The following TFAM variants were observed in gnomAD, a reference collection of about 807,000 sequenced individuals.
TFAM encodes the protein transcription factor A, mitochondrial.
In TFAM, 13 loss-of-function variants were observed where a neutral mutation model predicts 30.6. That is an observed-to-expected ratio of 0.42 (90% CI 0.28 to 0.67). The LOEUF is 0.67. TFAM is among the 30% of genes least tolerant of loss of function. The probability of loss-of-function intolerance (pLI) is 0.21; values close to 1 mark genes in which losing one functional copy is unlikely to be tolerated. For missense variants in TFAM, 231 were observed against 293.7 expected (o/e 0.79, Z 1.56); for synonymous variants, 106 against 94.8 (o/e 1.12, Z -0.69).
chr10:58,394,455 T>C lies in TFAM; in HGVS notation c.594+41T>C. 3.3e-6 allele frequency: 5 copies of C among 1,530,016 alleles called. No homozygotes were observed. The South Asian group carries it at 3.3e-5, about 10-fold the overall frequency. 94.8% of individuals were successfully genotyped at this position (1,530,016 alleles called of 1,614,324 possible). The stretch of plus-strand genomic sequence containing the variant: ...GTTAGTCTCAAGTGTCTACTTAGGA[T>C]ATCTGTGAGAGAATGTATTAGGGCA... On this transcript the variant is annotated intron_variant, in intron 6 of 6. Transcript: ENST00000487519.
chr10:58,386,667 T>C (rs980222133), intron 2 of TFAM: 8 of 1,149,178 alleles, frequency 7.0e-6, no homozygotes, highest in Middle Eastern at 3.9e-4. Context: ...TTTTTCTGGC[T>C]CAGGGAATTG....
rs761368112 is a variant in TFAM, at chr10:58,395,053, A to G, written c.720A>G (p.Lys240=). ...LLRRTIKKQR[K]YGAEEC ...GTCGCACAATAAAGAAACAACGAAA[A>G]TATGGTGCTGAGGAGTGTTAAAAGT... Residue 240 remains lysine, a synonymous_variant, in exon 7 of 7, where the codon AAA becomes AAG. Coordinates refer to ENST00000487519, the MANE Select transcript of TFAM (RefSeq NM_003201.3). 1.9e-6 allele frequency: 3 copies of G among 1,613,630 alleles called. No homozygotes were observed. The highest frequency in any genetic ancestry group is 1.7e-5 in the Admixed American group (1 of 60,014).
At position 58,394,378 on chromosome 10, in the gene TFAM, G is replaced by A; in HGVS notation, c.558G>A (p.Lys186=). ...DSPQEKLKTV[K]ENWKNLSDSE... ...TACAGGAAAAGCTGAAGACTGTAAA[G>A]GAAAACTGGAAAAATCTGTCTGACT... The change falls in exon 6 of 7, where the codon AAG becomes AAA. Residue 186 remains lysine (K), a synonymous_variant. Coordinates refer to ENST00000487519, the MANE Select transcript of TFAM (RefSeq NM_003201.3). 1 of 1,613,600 alleles carries A rather than the reference G, an allele frequency of 6.2e-7. No homozygotes were observed. The highest frequency in any genetic ancestry group is 8.5e-7 in the Non-Finnish European group (1 of 1,179,684).
At chr10:58,385,757 C>T in intron 1 of TFAM, 109 bp downstream of exon 1, 2 of 897,454 alleles carry the variant, frequency 2.2e-6, no homozygotes, top group South Asian at 1.4e-5. Flanking sequence ...TCAGAGTCAC[C>T]CTGGTTCTTT....
chr10:58,386,747 C>G (rs1840498161), intron 2 of TFAM: 11 of 967,802 alleles, frequency 1.1e-5, no homozygotes, highest in Non-Finnish European at 1.4e-5. Flanking sequence ...AAGTTCTATG[C>G]AATTTACTGC....
Position 58,395,221 on chromosome 10 carries a change from C to A in TFAM, c.*147C>A. 1.2e-6 allele frequency: 1 copy of A among 832,362 alleles called. No homozygotes were observed. Among genetic ancestry groups the A allele is most frequent in the Non-Finnish European group, 1.9e-6 (1 of 520,020 alleles). The allele number at this position is 832,362 out of a possible 1,614,324, so 51.6% of individuals were successfully genotyped here. A position where few individuals can be genotyped will look rare whatever the true frequency, so the allele number is the denominator to read the frequency against. ...TTTTTATTCAGCTCATGGACTTCTGCCAGCATAATACTTGCTTTGGAAAAC... is the reference window on the plus strand; with the variant it reads ...TTTTTATTCAGCTCATGGACTTCTGACAGCATAATACTTGCTTTGGAAAAC... On this transcript the variant is annotated 3_prime_UTR_variant, in exon 7 of 7. Transcript: ENST00000487519.
chr10:58,386,735 TA>T (rs1177935307), intron 2 of TFAM: 1 of 1,063,598 alleles, frequency 9.4e-7, no homozygotes, highest in African/African-American at 1.7e-5. Flanking sequence ...TGTAGAACTG[TA>T]AAGTTCTATG....
chr10:58,386,527 A>G (rs1010755076), intron 2 of TFAM, 189 bp downstream of exon 2: 20 of 728,592 alleles, frequency 2.7e-5, no homozygotes, highest in Non-Finnish European at 4.3e-5. Flanking sequence ...GAACTAGTAA[A>G]TGGTATTTTA....
chr10:58,387,030 G>A lies in TFAM; in HGVS notation c.220+692G>A, dbSNP rs530355960. ...TGTAATCCCAGCACTTCGGGAGGTC[G>A]AGATGGGTGGATTGCTTGAGCCCAG... On this transcript the variant is annotated intron_variant, in intron 2 of 6. Transcript: ENST00000487519. 1.7e-4 allele frequency among the ~76,000 whole-genome samples: 26 copies of A among 152,272 alleles called. No homozygotes were observed. In the East Asian group the frequency reaches 4.4e-3, roughly 26 times the overall value.
chr10:58,397,020 T>A lies in TFAM; in HGVS notation c.*1946T>A, dbSNP rs924497307. On this transcript the variant is annotated 3_prime_UTR_variant, in exon 7 of 7. Transcript: ENST00000487519. ...GGGGAAAGAGAAGGAGGTGTGCTAGTGTCTATCACAGGCTTTCTCAATTAG... is the reference window on the plus strand; with the variant it reads ...GGGGAAAGAGAAGGAGGTGTGCTAGAGTCTATCACAGGCTTTCTCAATTAG... 6.6e-6 allele frequency: 1 copy of A among 152,176 alleles called. No individual in the cohort carries two copies. The highest frequency in any genetic ancestry group is 2.4e-5 in the African/African-American group (1 of 41,400). 9.4% of individuals were successfully genotyped at this position (152,176 alleles called of 1,614,324 possible). A position where few individuals can be genotyped will look rare whatever the true frequency, so the allele number is the denominator to read the frequency against.
At chr10:58,388,573 T>C in intron 3 of TFAM, 97 bp from the exon 4 acceptor site, 2 of 1,309,482 alleles carry the variant, frequency 1.5e-6, no homozygotes, top group Non-Finnish European at 2.2e-6. Flanking sequence ...TGATAAAATC[T>C]GTCTGTCTGA....
intron 5 of TFAM, among the ~76,000 whole-genome samples, chr10:58,391,667 T>C (rs943353574): frequency 6.6e-6 from 1 of 152,002 alleles, no homozygotes; most frequent in Non-Finnish European, 1.5e-5. Context: ...ACTGTTGTCA[T>C]GTTTCGATTC....
In TFAM at chr10:58,395,916, A is replaced by G; in HGVS notation, c.*842A>G. The G allele has an allele frequency of 4.7e-6, 1 of 212,028 alleles. No individual in the cohort carries two copies. Among genetic ancestry groups the G allele is most frequent in the Non-Finnish European group, 9.2e-6 (1 of 108,628 alleles). The allele number at this position is 212,028 out of a possible 1,614,324, so 13.1% of individuals were successfully genotyped here. On this transcript the variant is annotated 3_prime_UTR_variant, in exon 7 of 7. Coordinates refer to ENST00000487519, the MANE Select transcript of TFAM (RefSeq NM_003201.3). ...GAAATCTAAAAAACGAAAAGTCTCC[A>G]AAGTCTCTGGAATTTGAAACACTTT...
rs1840650320 is a variant in TFAM, at chr10:58,394,622, A to G, written c.594+208A>G. On this transcript the variant is annotated intron_variant, in intron 6 of 6. Transcript: ENST00000487519. ...TAAAATTGGTATTTGAAACCACAGC[A>G]CTCATAAGCCTGAGTGTCCACTTAT... is the stretch of plus-strand genomic sequence containing the variant. 8.5e-6 allele frequency: 6 copies of G among 702,278 alleles called. No homozygotes were observed. In the East Asian group the frequency reaches 1.6e-4, roughly 19 times the overall value. 43.5% of individuals were successfully genotyped at this position (702,278 alleles called of 1,614,324 possible). A position where few individuals can be genotyped will look rare whatever the true frequency, so the allele number is the denominator to read the frequency against.
intron 2 of TFAM, among the ~76,000 whole-genome samples, chr10:58,387,499 T>C (rs1840512756): frequency 6.6e-6 from 1 of 152,230 alleles, no homozygotes. Context: ...AATACGAGGC[T>C]GTGTTATATG....
intron 2 of TFAM, among the ~76,000 whole-genome samples, chr10:58,387,935 CAAA>C (rs200286777): frequency 8.3e-6 from 1 of 120,780 alleles, no homozygotes; most frequent in Admixed American, 8.5e-5. Context: ...GACCCTGTCT[CAAA>C]AAAAAAAAAA....
chr10:58,394,707 A>ACAATTTCATTCAAAGAGATAACAGTCTAT (rs1370851061), intron 6 of TFAM, among the ~76,000 whole-genome samples: 1 of 152,148 alleles, frequency 6.6e-6, no homozygotes, highest in East Asian at 1.9e-4. Context: ...TGAACTTGTA[A>ACAATTTCATTCAAAGAGATAACAGTCTAT]CAATTTCATT....
chr10:58,394,962 G>A lies in TFAM; in HGVS notation c.629G>A (p.Arg210His). 1 of 1,613,502 alleles carries A rather than the reference G, an allele frequency of 6.2e-7. No individual in the cohort carries two copies. Among genetic ancestry groups the A allele is most frequent in the Non-Finnish European group, 8.5e-7 (1 of 1,179,658 alleles). ...YIQHAKEDET[R>H]YHNEMKSWEE... ...CAGCATGCTAAAGAGGACGAAACTC[G>A]TTATCATAATGAAATGAAGTCTTGG... is the stretch of plus-strand genomic sequence containing the variant. Residue 210 changes from arginine to histidine, a missense_variant, in exon 7 of 7, where the codon CGT becomes CAT. Physicochemically the swap from Arg to His is conservative, Grantham distance 29. Coordinates refer to ENST00000487519, the MANE Select transcript of TFAM (RefSeq NM_003201.3).
At chr10:58,388,907 A>G in intron 4 of TFAM, 88 bp downstream of exon 4, 1 of 1,175,872 alleles carries the variant, frequency 8.5e-7, no homozygotes, top group Non-Finnish European at 1.2e-6. Context: ...TTAATAGGCA[A>G]ATAAAATATG....
Sources: allele counts gnomAD v4.1 joint callset (sites outside exome capture counted in the v4.1 genomes callset), GRCh38; gene constraint gnomAD v4.1.1; transcripts MANE v1.5; gene names NCBI Gene and HGNC (gene_info 2026-07-23, HGNC 2026-07-21).